PRTG: variants seen among roughly 807,000 people sequenced by gnomAD.
PRTG encodes immunoglobulin superfamily, DCC subclass, member 5.
A neutral mutation model predicts 122.5 loss-of-function variants in PRTG; 67 were observed. That is an observed-to-expected ratio of 0.55 (90% confidence interval 0.45 to 0.67). PRTG has a LOEUF of 0.67. PRTG is among the 30% of genes least tolerant of loss of function. The probability of loss-of-function intolerance (pLI) is 0.00; values close to 1 mark genes in which losing one functional copy is unlikely to be tolerated. For synonymous variants in PRTG, 554 were observed against 501.1 expected (o/e 1.11, Z -1.41); for missense variants, 1,435 against 1,415.4 (o/e 1.01, Z -0.22).
rs948587229 is a variant in PRTG at position 55,612,433 on chromosome 15, G to A, written c.*7579C>T. 6.6e-6 allele frequency: 1 copy of A among 151,456 alleles called. No homozygotes were observed. Among genetic ancestry groups the A allele is most frequent in the African/African-American group, 2.4e-5 (1 of 41,178 alleles). The allele number at this position is 151,456 out of a possible 1,614,324, so 9.4% of individuals were successfully genotyped here. A position where few individuals can be genotyped will look rare whatever the true frequency, so the allele number is the denominator to read the frequency against. On this transcript the variant is annotated 3_prime_UTR_variant, in exon 20 of 20. Coordinates refer to ENST00000389286, the MANE Select transcript of PRTG (RefSeq NM_173814.6). Reference sequence around the variant, plus strand: ...GAATAGTATATGGATAAGAAAAAAGGGAAAATATTTCCTCTAAAAAAAGAA... The same window carrying A: ...GAATAGTATATGGATAAGAAAAAAGAGAAAATATTTCCTCTAAAAAAAGAA...
chr15:55,708,272 T>A (rs4774802), intron 2 of PRTG, among the ~76,000 whole-genome samples: 1 of 149,542 alleles, frequency 6.7e-6, no homozygotes, highest in Non-Finnish European at 1.5e-5. Context: ...ATGAAGCAAG[T>A]GAAAACAAAC....
chr15:55,611,551 T>C lies in PRTG; in HGVS notation c.*8461A>G, dbSNP rs567235641. The C allele has an allele frequency of 5.3e-5, 8 of 152,296 alleles. No individual in the cohort carries two copies. In the East Asian group the frequency reaches 7.7e-4, roughly 15 times the overall value. The allele number at this position is 152,296 out of a possible 1,614,324, so 9.4% of individuals were successfully genotyped here. The stretch of plus-strand genomic sequence containing the variant: ...AAAGAAAACATGGGTTTGTCTTTTT[T>C]AACTAAGGAAAGCTTTTATTTAAAT... On this transcript the variant is annotated 3_prime_UTR_variant, in exon 20 of 20. Transcript: ENST00000389286.
At chr15:55,641,807 C>T (rs1466619142) in intron 11 of PRTG, among the ~76,000 whole-genome samples, 1 of 152,176 alleles carries the variant, frequency 6.6e-6, no homozygotes, top group Non-Finnish European at 1.5e-5. Context: ...GCTCCCTCTA[C>T]TGGTGTTTAT....
chr15:55,743,026 C>A lies in PRTG; in HGVS notation c.-95G>T, dbSNP rs1211560074. On this transcript the variant is annotated 5_prime_UTR_variant, in exon 1 of 20. Transcript: ENST00000389286. The stretch of plus-strand genomic sequence containing the variant: ...GCGCTCTCTGCTCTGCGGCTGGTCG[C>A]ACGCAGCCTGGCTCCCCGCTCCGGC... The A allele has an allele frequency of 8.2e-6, 11 of 1,334,454 alleles. No homozygotes were observed. The South Asian group carries it at 2.1e-4, about 26-fold the overall frequency. The allele number at this position is 1,334,454 out of a possible 1,614,324, so 82.7% of individuals were successfully genotyped here.
chr15:55,620,074 G>T lies in PRTG; in HGVS notation c.3391C>A (p.His1131Asn). The change falls in exon 20 of 20, where the codon CAT (histidine) becomes AAT (asparagine). Residue 1131 changes from histidine (H) to asparagine (N), a missense_variant. Transcript: ENST00000389286. ...HETGDSGRFS[H>N]ESNDEIHLSS... ...AGATGTATCTCATCGTTGGACTCAT[G>T]AGAAAACCGCCCAGAATCCCCAGTC... The T allele has an allele frequency of 6.2e-7, 1 of 1,614,170 alleles. No homozygotes were observed. Among genetic ancestry groups the T allele is most frequent in the Non-Finnish European group, 8.5e-7 (1 of 1,180,032 alleles).
At chr15:55,634,266 A>G (rs1411424778) in intron 15 of PRTG, among the ~76,000 whole-genome samples, 1 of 151,546 alleles carries the variant, frequency 6.6e-6, no homozygotes, top group Admixed American at 6.6e-5. Flanking sequence ...ATGAGGTTTC[A>G]CTATGTTGGC....
intron 8 of PRTG, among the ~76,000 whole-genome samples, chr15:55,676,383 T>C (rs2141804276): frequency 6.6e-6 from 1 of 152,254 alleles, no homozygotes; most frequent in African/African-American, 2.4e-5. Context: ...AGCAAACCTG[T>C]AAAGTGGAAC....
intron 2 of PRTG, among the ~76,000 whole-genome samples, chr15:55,726,487 A>C (rs2031035159): frequency 6.6e-6 from 1 of 152,162 alleles, no homozygotes; most frequent in South Asian, 2.1e-4. Context: ...CATCAGAAAA[A>C]AATAGACTTT....
At chr15:55,726,896 C>T (rs1408395758) in intron 2 of PRTG, among the ~76,000 whole-genome samples, 3 of 149,960 alleles carry the variant, frequency 2.0e-5, no homozygotes, top group South Asian at 2.1e-4. Context: ...TGCAGTGAGC[C>T]GAGATCACGC....
At chr15:55,649,779 G>A (rs1057293057) in intron 11 of PRTG, among the ~76,000 whole-genome samples, 3 of 151,226 alleles carry the variant, frequency 2.0e-5, no homozygotes, top group East Asian at 1.9e-4. Flanking sequence ...GAGACAGAGC[G>A]AGACTCAGTC....
At chr15:55,651,497 C>A (rs375636912) in intron 11 of PRTG, among the ~76,000 whole-genome samples, 25 of 152,238 alleles carry the variant, frequency 1.6e-4, no homozygotes, top group African/African-American at 6.0e-4. Flanking sequence ...TACCTTCCCC[C>A]CAATACCATG....
chr15:55,725,149 G>A (rs2030978348), intron 2 of PRTG, among the ~76,000 whole-genome samples: 1 of 152,160 alleles, frequency 6.6e-6, no homozygotes, highest in Non-Finnish European at 1.5e-5. Context: ...TGTAATGTGT[G>A]ACAATAATAT....
intron 2 of PRTG, among the ~76,000 whole-genome samples, chr15:55,695,559 C>G (rs1391879140): frequency 1.3e-5 from 2 of 152,222 alleles, no homozygotes; most frequent in East Asian, 1.9e-4. Context: ...TGCCACACCC[C>G]CTCCTTGGGG....
chr15:55,628,280 C>CA (rs2059206712), intron 16 of PRTG, among the ~76,000 whole-genome samples: 1 of 151,906 alleles, frequency 6.6e-6, no homozygotes, highest in Non-Finnish European at 1.5e-5. Context: ...TCCTGTGCTA[C>CA]AGGGGGCACC....
intron 15 of PRTG, 66 bp downstream of exon 15, chr15:55,637,104 T>C: frequency 8.2e-7 from 1 of 1,222,466 alleles, no homozygotes; most frequent in Non-Finnish European, 1.1e-6. Context: ...AGATTCCCCT[T>C]TCCTTTTGTT....
At position 55,637,264 on chromosome 15, in the gene PRTG, A is replaced by AG; in HGVS notation, c.2528dup (p.Asp844Ter). On this transcript the variant is annotated frameshift_variant, in exon 15 of 20. Transcript: ENST00000389286. LOFTEE classifies it high-confidence loss of function. The stretch of plus-strand genomic sequence containing the variant: ...GGGTCACAACTGTTTCTGGGCCATC[A>AG]GGGGGTTTCCAAGAAACCAGGGCAG... 1 of 1,614,036 alleles carries AG rather than the reference A, an allele frequency of 6.2e-7. No individual in the cohort carries two copies. The highest frequency in any genetic ancestry group is 1.1e-5 in the South Asian group (1 of 91,064).
intron 8 of PRTG, 146 bp from the exon 9 acceptor site, chr15:55,675,829 G>T: frequency 2.0e-6 from 1 of 488,474 alleles, no homozygotes; most frequent in Non-Finnish European, 3.6e-6. Flanking sequence ...GAACAGGAAG[G>T]TCTTTATTTT....
At chr15:55,644,521 A>C (rs1300479747) in intron 11 of PRTG, among the ~76,000 whole-genome samples, 11 of 152,234 alleles carry the variant, frequency 7.2e-5, no homozygotes, top group Non-Finnish European at 2.9e-5. Context: ...ACCCAGAATT[A>C]AACTTTTCTG....
intron 2 of PRTG, among the ~76,000 whole-genome samples, chr15:55,693,437 C>G (rs541883986): frequency 2.1e-5 from 3 of 145,606 alleles, no homozygotes; most frequent in Non-Finnish European, 3.0e-5. Context: ...GCCTGGGCAA[C>G]AAGAGTATAA....
Sources: gnomAD v4.1 joint callset for allele counts (sites outside exome capture counted in the v4.1 genomes callset) on GRCh38, gnomAD v4.1.1 for gene constraint, MANE v1.5 for transcripts, NCBI Gene and HGNC (gene_info 2026-07-23, HGNC 2026-07-21) for gene names.